Variants in CWH43 observed in about 807,000 individuals in gnomAD.
CWH43 encodes cell wall biogenesis 43 C-terminal homolog, also known as PGAP2-interacting protein.
CWH43 carries 91 observed loss-of-function variants against 85.7 expected under a neutral mutation model. The ratio of observed to expected loss-of-function variants is 1.06; its 90% confidence interval spans 0.90 to 1.26. The LOEUF (loss-of-function observed/expected upper bound fraction) is 1.26, where lower values mean the gene tolerates loss of function less well. CWH43 is among the 50% of genes most tolerant of loss of function. CWH43 has a pLI of 0.00. For missense variants in CWH43, 869 were observed against 839.2 expected (o/e 1.04, Z -0.44); for synonymous variants, 323 against 293.6 (o/e 1.10, Z -1.02).
chr4:49,059,386 G>A (rs1785069054), intron 15 of CWH43, among the ~76,000 whole-genome samples: 1 of 152,090 alleles, frequency 6.6e-6, no homozygotes, highest in Non-Finnish European at 1.5e-5. Context: ...TTGTCCATCT[G>A]TGTTCTCTTG....
At chr4:49,056,143 C>T (rs1486136623) in intron 15 of CWH43, among the ~76,000 whole-genome samples, 1 of 141,272 alleles carries the variant, frequency 7.1e-6, no homozygotes. Flanking sequence ...TCAATTCCCA[C>T]CTATGAGTGA....
At chr4:49,058,744 G>C (rs1785047193) in intron 15 of CWH43, among the ~76,000 whole-genome samples, 1 of 152,122 alleles carries the variant, frequency 6.6e-6, no homozygotes, top group South Asian at 2.1e-4. Flanking sequence ...AGTATTCTTG[G>C]TAGGCAGTTG....
At chr4:49,030,694 AC>A (rs1481791218) in intron 10 of CWH43, 130 bp from the exon 11 acceptor site, 5 of 732,990 alleles carry the variant, frequency 6.8e-6, no homozygotes, top group Non-Finnish European at 1.0e-5. Context: ...CTAGTGACTC[AC>A]TAATAATTAC....
At chr4:49,016,400 G>A (rs1286504158) in intron 8 of CWH43, among the ~76,000 whole-genome samples, 1 of 152,096 alleles carries the variant, frequency 6.6e-6, no homozygotes, top group Non-Finnish European at 1.5e-5. Flanking sequence ...GCCTCATGGT[G>A]TAAGAAGGGA....
Position 49,020,903 on chromosome 4 carries a change from AT to A in CWH43, c.1266+3585del, listed in dbSNP as rs934055071. ...TGTCCTTAGCTCACTTTTTGATGGGATTTTTTTTTTCTTGCTGATTTGTTTG... is the reference window on the plus strand; with the variant it reads ...TGTCCTTAGCTCACTTTTTGATGGGATTTTTTTTTCTTGCTGATTTGTTTG... On this transcript the variant is annotated intron_variant, in intron 9 of 15. Coordinates refer to ENST00000226432, the MANE Select transcript of CWH43 (RefSeq NM_025087.3). Among the ~76,000 whole-genome samples the A allele has an allele frequency of 8.4e-3, 1,232 of 146,948 alleles. 18 individuals carry two copies. The highest frequency in any genetic ancestry group is 0.029 in the African/African-American group (1,145 of 40,114).
intron 14 of CWH43, among the ~76,000 whole-genome samples, chr4:49,047,398 A>T (rs1784655851): frequency 6.6e-6 from 1 of 152,196 alleles, no homozygotes; most frequent in African/African-American, 2.4e-5. Flanking sequence ...ATGATAAATA[A>T]TTGCAGGATG....
At chr4:48,997,459 C>T (rs2109751453) in intron 5 of CWH43, among the ~76,000 whole-genome samples, 1 of 152,254 alleles carries the variant, frequency 6.6e-6, no homozygotes, top group Non-Finnish European at 1.5e-5. Context: ...GCATCCCAAA[C>T]ACCTAGAATG....
At chr4:48,988,800 CT>C in intron 2 of CWH43, 132 bp downstream of exon 2, 1 of 591,888 alleles carries the variant, frequency 1.7e-6, no homozygotes, top group Non-Finnish European at 2.8e-6. Context: ...TTACCACTGC[CT>C]TAGAAGAGCT....
intron 13 of CWH43, among the ~76,000 whole-genome samples, chr4:49,042,058 A>T (rs1560510973): frequency 6.6e-6 from 1 of 152,206 alleles, no homozygotes; most frequent in Admixed American, 6.5e-5. Flanking sequence ...TTAGAGTGTT[A>T]AAACAACAGC....
intron 6 of CWH43, among the ~76,000 whole-genome samples, chr4:48,999,359 A>G (rs1485567252): frequency 2.0e-5 from 3 of 152,138 alleles, no homozygotes; most frequent in Non-Finnish European, 4.4e-5. Flanking sequence ...TGTCTTTGCT[A>G]CTGTGAATAG....
intron 10 of CWH43, among the ~76,000 whole-genome samples, chr4:49,030,047 A>C (rs1475384649): frequency 1.3e-5 from 2 of 151,994 alleles, no homozygotes; most frequent in East Asian, 3.9e-4. Flanking sequence ...TCAGTCTCTC[A>C]TCCCACCTGA....
chr4:48,989,263 C>A (rs1448020052), intron 2 of CWH43, among the ~76,000 whole-genome samples: 1 of 152,142 alleles, frequency 6.6e-6, no homozygotes, highest in Admixed American at 6.5e-5. Context: ...ATAAATCATA[C>A]ACATACAGAT....
intron 7 of CWH43, chr4:49,006,995 T>C (rs1348040077): frequency 1.4e-5 from 6 of 437,254 alleles, no homozygotes; most frequent in Non-Finnish European, 2.3e-5. Context: ...GTCCTGTCAT[T>C]TAAAGCACGA....
intron 5 of CWH43, 72 bp from the exon 6 acceptor site, chr4:48,998,388 A>G (rs1228734343): frequency 7.6e-6 from 9 of 1,191,348 alleles, no homozygotes; most frequent in Non-Finnish European, 1.0e-5. Flanking sequence ...TGGGAGGTAT[A>G]TTTCTATTTT....
At chr4:48,990,157 G>A (rs1254210920) in intron 2 of CWH43, among the ~76,000 whole-genome samples, 2 of 152,168 alleles carry the variant, frequency 1.3e-5, no homozygotes, top group Admixed American at 6.5e-5. Context: ...TAAGGGATGT[G>A]ATATAAAATA....
chr4:49,022,981 C>A (rs1373893394), intron 9 of CWH43, among the ~76,000 whole-genome samples: 1 of 152,102 alleles, frequency 6.6e-6, no homozygotes, highest in Non-Finnish European at 1.5e-5. Flanking sequence ...TTCAAAGAGA[C>A]AGCTTTTTGT....
At chr4:49,053,779 C>T (rs1784870318) in intron 15 of CWH43, among the ~76,000 whole-genome samples, 1 of 152,078 alleles carries the variant, frequency 6.6e-6, no homozygotes, top group Non-Finnish European at 1.5e-5. Flanking sequence ...TGACACAGTG[C>T]TCTAAGGAAA....
intron 14 of CWH43, among the ~76,000 whole-genome samples, chr4:49,045,409 A>G (rs1012837942): frequency 9.9e-5 from 15 of 152,240 alleles, no homozygotes; most frequent in African/African-American, 3.4e-4. Flanking sequence ...TTGGATACAT[A>G]GAGTCATGTG....
intron 13 of CWH43, among the ~76,000 whole-genome samples, chr4:49,044,520 T>C (rs576575949): frequency 1.3e-5 from 2 of 152,316 alleles, no homozygotes; most frequent in Non-Finnish European, 2.9e-5. Context: ...TTTGTAATCG[T>C]TGATTTATCT....
Sources: gnomAD v4.1 joint callset for allele counts (sites outside exome capture counted in the v4.1 genomes callset) on GRCh38, gnomAD v4.1.1 for gene constraint, MANE v1.5 for transcripts, NCBI Gene and HGNC (gene_info 2026-07-23, HGNC 2026-07-21) for gene names.